Variants in SH3BGRL observed in about 807,000 individuals in gnomAD.
SH3BGRL encodes the protein SH3 domain binding glutamate rich protein like.
Under a neutral mutation model 9.8 loss-of-function variants are expected in SH3BGRL, and 7 were observed. The ratio of observed to expected loss-of-function variants is 0.72; its 90% confidence interval spans 0.41 to 1.35. The LOEUF (loss-of-function observed/expected upper bound fraction) is 1.35. SH3BGRL is among the 40% of genes most tolerant of loss of function. SH3BGRL has a pLI of 0.01. For missense variants in SH3BGRL, 73 were observed against 84.4 expected, an observed-to-expected ratio of 0.86 and a Z score of 0.53; for synonymous variants, 36 against 29.1, an observed-to-expected ratio of 1.24 and a Z score of -0.76.
In SH3BGRL at chrX:81,237,096, A is replaced by G. The variant is rs186690976; in HGVS notation, c.45+34851A>G. 9.7e-5 allele frequency: 88 copies of G among 907,981 alleles called. No homozygotes were observed. The African/African-American group carries it at 1.8e-3, about 18-fold the overall frequency. 74.8% of individuals were successfully genotyped at this position (907,981 alleles called of 1,213,427 possible). ...AAAGTCAAGTAATGTTATTGAATTA[A>G]ATTCTTACTTGGATTTCCTAGGGAA... On this transcript the variant is annotated intron_variant, in intron 1 of 3. Transcript: ENST00000373212.
chrX:81,202,172 C>G lies in SH3BGRL; in HGVS notation c.-29C>G, dbSNP rs2075529646. The G allele has an allele frequency of 8.3e-7, 1 of 1,202,403 alleles. No homozygotes were observed. Among genetic ancestry groups the G allele is most frequent in the Non-Finnish European group, 1.1e-6 (1 of 890,208 alleles). On this transcript the variant is annotated 5_prime_UTR_variant, in exon 1 of 4. Transcript: ENST00000373212. Reference sequence around the variant, plus strand: ...AGCTGCTCCACAGCCCTTTTCAGGACCCAAACAACCGCAGCCGCTGTTCCC... The same window carrying G: ...AGCTGCTCCACAGCCCTTTTCAGGAGCCAAACAACCGCAGCCGCTGTTCCC...
chrX:81,204,319 T>A (rs2075539191), intron 1 of SH3BGRL, among the ~76,000 whole-genome samples: 1 of 112,077 alleles, frequency 8.9e-6, no homozygotes, highest in Non-Finnish European at 1.9e-5. Flanking sequence ...AGTGAGTACT[T>A]CTTTGTAACA....
intron 1 of SH3BGRL, among the ~76,000 whole-genome samples, chrX:81,270,717 T>C (rs1443388517): frequency 2.7e-5 from 3 of 112,074 alleles, no homozygotes; most frequent in Admixed American, 1.9e-4. Context: ...CTGTCTGTTA[T>C]TGGAGCTCGA....
intron 1 of SH3BGRL, among the ~76,000 whole-genome samples, chrX:81,264,488 G>C (rs1400450706): frequency 8.9e-6 from 1 of 111,891 alleles, no homozygotes; most frequent in Non-Finnish European, 1.9e-5. Context: ...TCTTCTGTCC[G>C]TAAACGATTT....
chrX:81,235,758 C>CT (rs1438083697), intron 1 of SH3BGRL, among the ~76,000 whole-genome samples: 1 of 111,329 alleles, frequency 9.0e-6, no homozygotes, highest in African/African-American at 3.3e-5. Context: ...TCCAACTCTG[C>CT]TTTTACCACT....
chrX:81,269,010 G>C (rs753911224), intron 1 of SH3BGRL, among the ~76,000 whole-genome samples: 11 of 111,588 alleles, frequency 9.9e-5, no homozygotes, highest in Non-Finnish European at 1.7e-4. Flanking sequence ...TTGGCTTAAA[G>C]TTTGTTTTAT....
chrX:81,229,228 C>A (rs1342883798), intron 1 of SH3BGRL, among the ~76,000 whole-genome samples: 1 of 110,896 alleles, frequency 9.0e-6, no homozygotes, highest in Non-Finnish European at 1.9e-5. Flanking sequence ...ACTCAAACCT[C>A]TGGGGGGAGC....
intron 1 of SH3BGRL, among the ~76,000 whole-genome samples, chrX:81,270,625 T>C (rs973366925): frequency 1.8e-5 from 2 of 111,744 alleles, no homozygotes; most frequent in African/African-American, 6.5e-5. Context: ...CACCCACCTG[T>C]ATGAGGTGTC....
intron 1 of SH3BGRL, among the ~76,000 whole-genome samples, chrX:81,238,662 G>C (rs1428659175): frequency 6.3e-5 from 7 of 111,257 alleles, no homozygotes; most frequent in African/African-American, 2.3e-4. Context: ...AGTAGCCAGG[G>C]GGTGATTACA....
At chrX:81,221,121 A>G (rs764404902) in intron 1 of SH3BGRL, among the ~76,000 whole-genome samples, 1 of 111,732 alleles carries the variant, frequency 8.9e-6, no homozygotes, top group Non-Finnish European at 1.9e-5. Context: ...GTAAATATCT[A>G]TTAGATCTAT....
At chrX:81,291,374 G>A (rs767324477) in intron 3 of SH3BGRL, among the ~76,000 whole-genome samples, 10 of 111,383 alleles carry the variant, frequency 9.0e-5, no homozygotes, top group Middle Eastern at 4.6e-3. Context: ...GGCAGGAGGC[G>A]TTGAGTTAGG....
At chrX:81,272,389 G>T (rs1480686991) in intron 1 of SH3BGRL, among the ~76,000 whole-genome samples, 2 of 110,984 alleles carry the variant, frequency 1.8e-5, no homozygotes, top group African/African-American at 6.6e-5. Flanking sequence ...CTTAGTAAAA[G>T]ACTGAATTGG....
chrX:81,204,171 AAAT>A (rs1165179798), intron 1 of SH3BGRL, among the ~76,000 whole-genome samples: 4 of 112,251 alleles, frequency 3.6e-5, no homozygotes, highest in African/African-American at 1.3e-4. Context: ...GAGTAGTTAG[AAAT>A]TTATTAGAAA....
At chrX:81,253,601 C>G (rs1383574770) in intron 1 of SH3BGRL, among the ~76,000 whole-genome samples, 1 of 111,828 alleles carries the variant, frequency 8.9e-6, no homozygotes, top group Non-Finnish European at 1.9e-5. Context: ...TTCTGTTCAA[C>G]CAGGTGGTGA....
chrX:81,284,229 A>G (rs1175055516), intron 3 of SH3BGRL, among the ~76,000 whole-genome samples: 3 of 111,389 alleles, frequency 2.7e-5, no homozygotes, highest in African/African-American at 6.5e-5. Flanking sequence ...TGTGAAAATG[A>G]CCAAACTGCC....
intron 3 of SH3BGRL, among the ~76,000 whole-genome samples, chrX:81,288,493 A>G (rs2075845038): frequency 8.9e-6 from 1 of 112,127 alleles, no homozygotes; most frequent in Non-Finnish European, 1.9e-5. Context: ...GAAGAAGTCA[A>G]ATTATCCCTG....
intron 1 of SH3BGRL, among the ~76,000 whole-genome samples, chrX:81,223,827 C>A (rs1569358777): frequency 9.0e-6 from 1 of 111,405 alleles, no homozygotes; most frequent in East Asian, 2.8e-4. Flanking sequence ...CAGTACCCTC[C>A]CTAGTACCAG....
At chrX:81,283,043 C>T (rs2075822787) in intron 3 of SH3BGRL, among the ~76,000 whole-genome samples, 1 of 111,779 alleles carries the variant, frequency 8.9e-6, no homozygotes, top group Non-Finnish European at 1.9e-5. Context: ...ATGAACACCT[C>T]TATGCGCATA....
At position 81,238,890 on chromosome X, in the gene SH3BGRL, A is replaced by G. The variant is rs1442191237; in HGVS notation, c.45+36645A>G. On this transcript the variant is annotated intron_variant, in intron 1 of 3. Transcript: ENST00000373212. The stretch of plus-strand genomic sequence containing the variant: ...AGAGAACAAGAGTCTCTGCCTGGTA[A>G]TTCAGAGAATTCTCCTGGAACTAGC... Among the ~76,000 whole-genome samples, 5 of 110,179 alleles carry G rather than the reference A, an allele frequency of 4.5e-5. 1 individual carries two copies. The Admixed American group carries it at 4.8e-4, about 11-fold the overall frequency.
Sources: gnomAD v4.1 joint callset for allele counts (sites outside exome capture counted in the v4.1 genomes callset) on GRCh38, gnomAD v4.1.1 for gene constraint, MANE v1.5 for transcripts, NCBI Gene and HGNC (gene_info 2026-07-23, HGNC 2026-07-21) for gene names.